SUCLG2: variants seen among roughly 807,000 people sequenced by gnomAD.
SUCLG2 encodes succinate--CoA ligase [GDP-forming] subunit beta, mitochondrial.
In SUCLG2, 42 loss-of-function variants were observed where a neutral mutation model predicts 47.9. The ratio of observed to expected loss-of-function variants is 0.88; its 90% CI spans 0.69 to 1.14. The LOEUF (loss-of-function observed/expected upper bound fraction) is 1.14, where lower values mean the gene tolerates loss of function less well. SUCLG2 is among the 50% of genes most tolerant of loss of function. SUCLG2 has a pLI of 0.00. For synonymous variants in SUCLG2, 195 were observed against 197.3 expected, an observed-to-expected ratio of 0.99 and a Z score of 0.10; for missense variants, 571 against 525.9, an observed-to-expected ratio of 1.09 and a Z score of -0.84.
chr3:67,401,840 C>T (rs553980050), intron 9 of SUCLG2, among the ~76,000 whole-genome samples: 2 of 152,240 alleles, frequency 1.3e-5, no homozygotes, highest in South Asian at 4.1e-4. Flanking sequence ...GTTAAATTAC[C>T]TACACCAAAC....
At chr3:67,419,819 A>T (rs1575683128) in intron 9 of SUCLG2, among the ~76,000 whole-genome samples, 1 of 152,370 alleles carries the variant, frequency 6.6e-6, no homozygotes, top group East Asian at 1.9e-4. Context: ...TTGTGAGGTG[A>T]AAAATATTTA....
At position 67,648,723 on chromosome 3, in the gene SUCLG2, C is replaced by A. The variant is rs115781673; in HGVS notation, c.84+5780G>T. Among the ~76,000 whole-genome samples, 494 of 152,234 alleles carry A rather than the reference C, an allele frequency of 3.2e-3. 5 individuals are homozygous for A. The highest frequency in any genetic ancestry group is 0.011 in the African/African-American group (473 of 41,542). Reference sequence around the variant, plus strand: ...GGAACAGTTCTATGATTATGAGGACCCTTTCACAACTAGGATTTCTATAGC... The same window carrying A: ...GGAACAGTTCTATGATTATGAGGACACTTTCACAACTAGGATTTCTATAGC... On this transcript the variant is annotated intron_variant, in intron 1 of 10. Transcript: ENST00000307227.
chr3:67,640,871 C>T (rs1183933719), intron 1 of SUCLG2, among the ~76,000 whole-genome samples: 2 of 152,130 alleles, frequency 1.3e-5, no homozygotes, highest in African/African-American at 4.8e-5. Context: ...TTCTGATTAC[C>T]AAAGATCAGC....
At chr3:67,425,750 C>G (rs530130961) in intron 9 of SUCLG2, among the ~76,000 whole-genome samples, 33 of 152,242 alleles carry the variant, frequency 2.2e-4, no homozygotes, top group Non-Finnish European at 4.1e-4. Context: ...ACTGTATGAG[C>G]CAATACCTTA....
intron 2 of SUCLG2, among the ~76,000 whole-genome samples, chr3:67,535,358 A>G (rs961403905): frequency 6.6e-6 from 1 of 151,950 alleles, no homozygotes; most frequent in Non-Finnish European, 1.5e-5. Flanking sequence ...CCAGCCAGCC[A>G]AGCAGAGGAA....
At chr3:67,479,665 A>G (rs1291578167) in intron 9 of SUCLG2, among the ~76,000 whole-genome samples, 1 of 152,256 alleles carries the variant, frequency 6.6e-6, no homozygotes, top group Non-Finnish European at 1.5e-5. Context: ...GAAGAGCAGT[A>G]ATAGGAAAGA....
chr3:67,438,841 T>C (rs1703687882), intron 9 of SUCLG2, among the ~76,000 whole-genome samples: 1 of 152,210 alleles, frequency 6.6e-6, no homozygotes, highest in African/African-American at 2.4e-5. Context: ...CTTCTGAAAC[T>C]ATTGCAAACA....
chr3:67,538,923 C>A (rs550095598), intron 2 of SUCLG2, among the ~76,000 whole-genome samples: 1 of 152,076 alleles, frequency 6.6e-6, no homozygotes, highest in South Asian at 2.1e-4. Context: ...CCTGAGACTT[C>A]GCTGAAGTTC....
chr3:67,432,856 G>A (rs1703521461), intron 9 of SUCLG2, among the ~76,000 whole-genome samples: 1 of 152,212 alleles, frequency 6.6e-6, no homozygotes, highest in East Asian at 1.9e-4. Context: ...TTGTTATTTC[G>A]GTTACCCTTT....
intron 1 of SUCLG2, among the ~76,000 whole-genome samples, chr3:67,622,915 G>T (rs1002157615): frequency 6.6e-6 from 1 of 152,178 alleles, no homozygotes; most frequent in African/African-American, 2.4e-5. Flanking sequence ...CATCTCTGCA[G>T]AACAGGTGAG....
chr3:67,533,844 T>C (rs1412660387), intron 2 of SUCLG2, among the ~76,000 whole-genome samples: 1 of 152,174 alleles, frequency 6.6e-6, no homozygotes, highest in African/African-American at 2.4e-5. Flanking sequence ...TAATTCTCCA[T>C]ATGTCAAAAG....
downstream of SUCLG2, among the ~76,000 whole-genome samples, chr3:67,373,534 T>C (rs575871313): frequency 2.0e-5 from 3 of 152,088 alleles, no homozygotes; most frequent in Non-Finnish European, 4.4e-5. Context: ...AAATGTAAAC[T>C]TGTCTGAGTT....
chr3:67,579,863 TG>T (rs1707837467), intron 2 of SUCLG2, among the ~76,000 whole-genome samples: 1 of 152,130 alleles, frequency 6.6e-6, no homozygotes, highest in Non-Finnish European at 1.5e-5. Flanking sequence ...CACATGACAT[TG>T]AGTTACAAGG....
chr3:67,575,486 G>C (rs977955649), intron 2 of SUCLG2, among the ~76,000 whole-genome samples: 8 of 152,298 alleles, frequency 5.3e-5, no homozygotes, highest in African/African-American at 1.9e-4. Flanking sequence ...CAAACTTAGA[G>C]ACTGAAAGTG....
intron 10 of SUCLG2, among the ~76,000 whole-genome samples, chr3:67,367,037 C>T (rs1380598566): frequency 6.6e-6 from 1 of 152,136 alleles, no homozygotes; most frequent in Non-Finnish European, 1.5e-5. Context: ...TCAATAATTA[C>T]AACGCATATT....
intron 10 of SUCLG2, among the ~76,000 whole-genome samples, chr3:67,397,370 A>G (rs1218283018): frequency 6.6e-6 from 1 of 151,678 alleles, no homozygotes; most frequent in Non-Finnish European, 1.5e-5. Flanking sequence ...GCATTCTTAT[A>G]CACCAATAAC....
At chr3:67,421,271 C>T (rs1187044260) in intron 9 of SUCLG2, among the ~76,000 whole-genome samples, 2 of 152,174 alleles carry the variant, frequency 1.3e-5, no homozygotes, top group South Asian at 2.1e-4. Flanking sequence ...ACCCACTGTC[C>T]TACCACTGCC....
intron 2 of SUCLG2, among the ~76,000 whole-genome samples, chr3:67,605,761 C>T (rs932530875): frequency 6.6e-6 from 1 of 152,134 alleles, no homozygotes; most frequent in Non-Finnish European, 1.5e-5. Context: ...TTTTATCATT[C>T]TCAACCCTTT....
chr3:67,419,469 T>C (rs1345660382), intron 9 of SUCLG2, among the ~76,000 whole-genome samples: 2 of 152,140 alleles, frequency 1.3e-5, no homozygotes, highest in African/African-American at 2.4e-5. Flanking sequence ...AACCATAATA[T>C]TAACAAAAAA....
Sources: allele counts gnomAD v4.1 joint callset (sites outside exome capture counted in the v4.1 genomes callset), GRCh38; gene constraint gnomAD v4.1.1; transcripts MANE v1.5; gene names NCBI Gene and HGNC (gene_info 2026-07-23, HGNC 2026-07-21).